The following NASP variants were observed in gnomAD, a reference collection of about 807,000 sequenced individuals.
NASP encodes nuclear autoantigenic sperm protein.
In NASP, 24 loss-of-function variants were observed where a neutral mutation model predicts 89.5. The ratio of observed to expected loss-of-function variants is 0.27; its 90% CI spans 0.19 to 0.38. The LOEUF is 0.38. Ranked by LOEUF, NASP falls within the 10% of genes least tolerant of loss-of-function variation. The pLI is 1.00. For synonymous variants in NASP, 306 were observed against 324.7 expected (o/e 0.94, Z 0.62); for missense variants, 848 against 921.4 (o/e 0.92, Z 1.03).
intron 11 of NASP, chr1:45,615,833 T>A (rs183407904): frequency 4.8e-6 from 1 of 207,860 alleles, no homozygotes; most frequent in Admixed American, 5.3e-5. Flanking sequence ...ATACCCTTAA[T>A]CTAAAATCTG....
intron 3 of NASP, among the ~76,000 whole-genome samples, chr1:45,604,628 T>A (rs1334328020): frequency 6.6e-6 from 1 of 152,226 alleles, no homozygotes; most frequent in Non-Finnish European, 1.5e-5. Context: ...ACTATTCTGA[T>A]CCATACTGAC....
chr1:45,588,119 A>T (rs1644584186), intron 1 of NASP, among the ~76,000 whole-genome samples: 2 of 151,510 alleles, frequency 1.3e-5, no homozygotes, highest in African/African-American at 4.8e-5. Flanking sequence ...GCATGACTGT[A>T]GTCATTCAGA....
chr1:45,584,785 T>G (rs1644505482), intron 1 of NASP, among the ~76,000 whole-genome samples: 1 of 151,988 alleles, frequency 6.6e-6, no homozygotes, highest in Non-Finnish European at 1.5e-5. Context: ...AAAACTCCAT[T>G]GTTTGGGGCC....
At chr1:45,611,568 G>A (rs1342578145) in intron 6 of NASP, 1 of 147,320 alleles carries the variant, frequency 6.8e-6, no homozygotes, top group East Asian at 2.1e-4. Context: ...CTAGGTTCAA[G>A]TGATTGTTCT....
At chr1:45,612,902 G>T in intron 6 of NASP, 1 of 282,242 alleles carries the variant, frequency 3.5e-6, no homozygotes, top group Non-Finnish European at 6.5e-6. Context: ...TATTCTGAAT[G>T]GTCCAGGTTG....
intron 1 of NASP, among the ~76,000 whole-genome samples, chr1:45,584,930 G>C (rs1477847682): frequency 6.6e-6 from 1 of 152,214 alleles, no homozygotes; most frequent in Non-Finnish European, 1.5e-5. Flanking sequence ...GCCTGTGGTG[G>C]GGAGGATTGT....
intron 1 of NASP, 39 bp downstream of exon 1, chr1:45,584,244 C>T (rs771994323): frequency 1.9e-6 from 3 of 1,543,222 alleles, no homozygotes; most frequent in Non-Finnish European, 2.6e-6. Flanking sequence ...ACTGGCCAGT[C>T]CGCGGGGAGG....
In NASP at chr1:45,584,736, C is replaced by G. The variant is rs543324319; in HGVS notation, c.59+531C>G. ...TGCGCGCGTGCGTTCGCTTCCCTCG[C>G]CGGCCCTGGGGCAGGGGGCGGGGCC... is the stretch of plus-strand genomic sequence containing the variant. On this transcript the variant is annotated intron_variant, in intron 1 of 14. Coordinates refer to ENST00000350030, the MANE Select transcript of NASP (RefSeq NM_002482.4). Among the ~76,000 whole-genome samples the G allele has an allele frequency of 3.9e-5, 6 of 152,312 alleles. 1 individual carries two copies. In the South Asian group the frequency reaches 1.2e-3, roughly 32 times the overall value.
Position 45,607,326 on chromosome 1 carries a change from G to T in NASP, c.415G>T (p.Ala139Ser), listed in dbSNP as rs540392489. 6.2e-7 allele frequency: 1 copy of T among 1,613,664 alleles called. No homozygotes were observed. The highest frequency in any genetic ancestry group is 2.2e-5 in the East Asian group (1 of 44,890). Residue 139 changes from alanine to serine, a missense_variant, in exon 6 of 15, where the codon GCA becomes TCA. This residue lies in a region of NASP where 464 missense variants were observed against 469.4 expected (regional missense o/e 0.99). Transcript: ENST00000350030. ...VENNDNIDEEAREELREQVYD... is the reference protein window; with the variant it reads ...VENNDNIDEESREELREQVYD... The stretch of plus-strand genomic sequence containing the variant: ...CATGTTCTTTAACCATGTAGAGGAA[G>T]CAAGGGAAGAGTTGAGAGAACAGGT...
At chr1:45,586,517 A>G (rs945535557) in intron 1 of NASP, among the ~76,000 whole-genome samples, 2 of 152,142 alleles carry the variant, frequency 1.3e-5, no homozygotes, top group African/African-American at 2.4e-5. Flanking sequence ...CCCAACGCCT[A>G]GGCTCAAGGG....
Position 45,618,067 on chromosome 1 carries a change from A to G in NASP, c.2293A>G (p.Asn765Asp). Reference sequence around the variant, plus strand: ...GGTTCTGTTTGTCTTCCAGGCTGAGAATCAGGCTGAAAGCCGGGCAGCAGT... The same window carrying G: ...GGTTCTGTTTGTCTTCCAGGCTGAGGATCAGGCTGAAAGCCGGGCAGCAGT... ...VSENMEEEAE[N>D]QAESRAAVEG... is the part of the protein sequence containing the mutation. The change falls in exon 15 of 15, where the codon AAT becomes GAT. Residue 765 changes from asparagine (N) to aspartate (D), a missense_variant. Transcript: ENST00000350030. The G allele has an allele frequency of 5.0e-6, 8 of 1,600,778 alleles. No individual in the cohort carries two copies. Among genetic ancestry groups the G allele is most frequent in the Non-Finnish European group, 6.8e-6 (8 of 1,173,384 alleles).
At chr1:45,584,305 T>C in intron 1 of NASP, 100 bp downstream of exon 1, 1 of 1,130,458 alleles carries the variant, frequency 8.8e-7, no homozygotes, top group Non-Finnish European at 1.3e-6. Flanking sequence ...GCGGGAGTAC[T>C]TGCCTTCCCA....
intron 2 of NASP, among the ~76,000 whole-genome samples, chr1:45,600,994 T>G (rs1027588723): frequency 6.6e-6 from 1 of 152,204 alleles, no homozygotes; most frequent in Non-Finnish European, 1.5e-5. Context: ...GATGACATGT[T>G]TGTTAAAATC....
chr1:45,584,312 C>A (rs948882113), intron 1 of NASP, 107 bp downstream of exon 1: 2 of 1,022,976 alleles, frequency 2.0e-6, no homozygotes, highest in Non-Finnish European at 2.9e-6. Context: ...TACTTGCCTT[C>A]CCAAGAGCAG....
chr1:45,617,687 C>A (rs1644131040), intron 14 of NASP, 96 bp downstream of exon 14: 30 of 1,383,928 alleles, frequency 2.2e-5, no homozygotes, highest in South Asian at 2.9e-5. Flanking sequence ...CCACCTTGAG[C>A]CTGCTAACGA....
intron 11 of NASP, chr1:45,615,676 A>G (rs910299992): frequency 1.9e-5 from 10 of 530,844 alleles, no homozygotes; most frequent in African/African-American, 5.8e-5. Context: ...ACGTGTGGCC[A>G]TGGGCCTTTC....
chr1:45,592,583 T>C, intron 2 of NASP: 1 of 152,522 alleles, frequency 6.6e-6, no homozygotes, highest in Non-Finnish European at 1.5e-5. Flanking sequence ...GGCATGATCT[T>C]GGCTCACTGC....
intron 9 of NASP, 21 bp downstream of exon 9, chr1:45,614,387 T>C: frequency 6.5e-7 from 1 of 1,538,202 alleles, no homozygotes; most frequent in Admixed American, 1.7e-5. Flanking sequence ...TTCCATTTTA[T>C]ACTCTCCTAC....
intron 6 of NASP, 74 bp from the exon 7 acceptor site, chr1:45,613,095 G>A (rs975272015): frequency 2.3e-5 from 35 of 1,521,468 alleles, no homozygotes; most frequent in South Asian, 1.0e-4. Flanking sequence ...AGGTTGAGAC[G>A]TGTATTGGAA....
Sources: gnomAD v4.1 joint callset for allele counts (sites outside exome capture counted in the v4.1 genomes callset) on GRCh38, gnomAD v4.1.1 for gene constraint, gnomAD v4.1.1 regional missense constraint, MANE v1.5 for transcripts, NCBI Gene and HGNC (gene_info 2026-07-23, HGNC 2026-07-21) for gene names.